The following GRAP2 variants were observed in gnomAD, a reference collection of about 807,000 sequenced individuals.
The protein encoded by GRAP2 is GRB2-related adapter protein 2.
GRAP2 carries 31 observed loss-of-function variants against 43.5 expected under a neutral mutation model. The observed-to-expected ratio is 0.71, with a 90% confidence interval of 0.54 to 0.96. GRAP2 has a LOEUF of 0.96. Among genes scored for constraint, GRAP2 ranks in the 40% least tolerant of loss-of-function variants. GRAP2 has a pLI of 0.00. For synonymous variants in GRAP2, 156 were observed against 164.8 expected, an observed-to-expected ratio of 0.95 and a Z score of 0.41; for missense variants, 371 against 424.4, an observed-to-expected ratio of 0.87 and a Z score of 1.11.
chr22:39,963,052 T>C (rs769458294), intron 4 of GRAP2, among the ~76,000 whole-genome samples: 1 of 152,224 alleles, frequency 6.6e-6, no homozygotes, highest in Non-Finnish European at 1.5e-5. Flanking sequence ...CTTCCCCTGA[T>C]ATTCAGGCGA....
At chr22:39,898,866 A>G (rs1309488494), upstream of GRAP2, among the ~76,000 whole-genome samples, 1 of 152,202 alleles carries the variant, frequency 6.6e-6, no homozygotes, top group Non-Finnish European at 1.5e-5. Flanking sequence ...AGATATAAAC[A>G]AATGACCCCT....
intron 1 of GRAP2, among the ~76,000 whole-genome samples, chr22:39,912,222 G>A (rs1429258303): frequency 2.0e-5 from 3 of 152,132 alleles, no homozygotes; most frequent in Admixed American, 2.0e-4. Flanking sequence ...GGAGTTTGAG[G>A]CCAGCCTGGG....
intron 4 of GRAP2, chr22:39,964,825 G>A (rs759444989): frequency 2.2e-4 from 74 of 334,640 alleles, no homozygotes; most frequent in Non-Finnish European, 3.3e-4. Flanking sequence ...TCAGAATCTT[G>A]CCAGAATCTG....
Position 39,971,062 on chromosome 22 carries a change from A to T in GRAP2, c.971A>T (p.Tyr324Phe), listed in dbSNP as rs755847534. Residue 324 changes from tyrosine (Y) to phenylalanine (F), a missense_variant, in exon 8 of 8, where the codon TAC (tyrosine) becomes TTC (phenylalanine). Coordinates refer to ENST00000344138, the MANE Select transcript of GRAP2 (RefSeq NM_004810.4). ...HNKLGLFPAN[Y>F]VAPMTR ...AAGCTGGGCCTCTTCCCTGCCAACT[A>T]CGTGGCACCCATGACCCGATAAACT... 1.9e-6 allele frequency: 3 copies of T among 1,613,356 alleles called. No homozygotes were observed. The highest frequency in any genetic ancestry group is 1.7e-5 in the Admixed American group (1 of 59,858).
intron 1 of GRAP2, among the ~76,000 whole-genome samples, chr22:39,908,167 G>A (rs933127022): frequency 2.6e-5 from 4 of 152,188 alleles, no homozygotes; most frequent in Non-Finnish European, 5.9e-5. Flanking sequence ...AATCCCACTG[G>A]GTCTGGGAAC....
At chr22:39,951,645 G>A (rs932846983) in intron 2 of GRAP2, among the ~76,000 whole-genome samples, 11 of 152,126 alleles carry the variant, frequency 7.2e-5, no homozygotes, top group Non-Finnish European at 1.6e-4. Context: ...TGTTCAGGCT[G>A]AACGCCTTGC....
chr22:39,896,297 A>G (rs1427404860), upstream of GRAP2, among the ~76,000 whole-genome samples: 2 of 152,190 alleles, frequency 1.3e-5, no homozygotes, highest in Non-Finnish European at 2.9e-5. Context: ...TCACACATAT[A>G]CTTTTACATG....
chr22:39,952,515 C>T (rs530503926), intron 2 of GRAP2, among the ~76,000 whole-genome samples: 5 of 152,098 alleles, frequency 3.3e-5, no homozygotes, highest in East Asian at 3.9e-4. Flanking sequence ...GGCTACGAGG[C>T]GCTGCTGCTG....
the GRAP2 span, among the ~76,000 whole-genome samples, chr22:39,895,862 T>G: frequency 3.9e-5 from 6 of 152,320 alleles, no homozygotes; most frequent in South Asian, 1.2e-3. Context: ...ATTTGCATAG[T>G]CAGGGAAGGC....
intron 1 of GRAP2, among the ~76,000 whole-genome samples, chr22:39,926,230 TTGAG>T (rs2066696304): frequency 6.6e-6 from 1 of 152,176 alleles, no homozygotes; most frequent in Non-Finnish European, 1.5e-5. Context: ...TAAATATTTA[TTGAG>T]TAATTACTTA....
At chr22:39,938,965 G>A (rs948284781) in intron 1 of GRAP2, among the ~76,000 whole-genome samples, 8 of 152,134 alleles carry the variant, frequency 5.3e-5, no homozygotes, top group African/African-American at 9.7e-5. Context: ...CACCCCTGCC[G>A]CTCATACTGG....
rs561787258 is a variant in GRAP2 at position 39,906,911 on chromosome 22, G to A, written c.-15+5581G>A. Among the ~76,000 whole-genome samples, 304 of 152,302 alleles carry A rather than the reference G, an allele frequency of 2.0e-3. 2 individuals are homozygous for A. The highest frequency in any genetic ancestry group is 3.6e-3 in the Non-Finnish European group (245 of 68,020). On this transcript the variant is annotated intron_variant, in intron 1 of 7. Transcript: ENST00000344138. ...ATAACTAGGAAATATTACAAGGGAA[G>A]TACAAAGTGGGGTGGAAAGCCTGGC...
At chr22:39,941,223 A>G (rs1429198783) in intron 1 of GRAP2, among the ~76,000 whole-genome samples, 1 of 152,178 alleles carries the variant, frequency 6.6e-6, no homozygotes, top group East Asian at 1.9e-4. Context: ...CATTGTAGAG[A>G]ATCTAAGAAA....
chr22:39,903,378 G>A (rs557744102), intron 1 of GRAP2, among the ~76,000 whole-genome samples: 10 of 152,116 alleles, frequency 6.6e-5, no homozygotes, highest in African/African-American at 1.9e-4. Flanking sequence ...GGCTGGGCGC[G>A]GTGGCTCATG....
At chr22:39,940,935 C>T (rs574409604) in intron 1 of GRAP2, among the ~76,000 whole-genome samples, 1 of 152,284 alleles carries the variant, frequency 6.6e-6, no homozygotes, top group Non-Finnish European at 1.5e-5. Context: ...AGAAAAGTTA[C>T]GAGATGGAAT....
At chr22:39,955,364 C>G (rs6001710) in intron 2 of GRAP2, among the ~76,000 whole-genome samples, 1 of 149,372 alleles carries the variant, frequency 6.7e-6, no homozygotes, top group South Asian at 2.1e-4. Context: ...CTCAAAAAAA[C>G]GAAAAACAAC....
chr22:39,952,019 GTT>G (rs397946166), intron 2 of GRAP2, among the ~76,000 whole-genome samples: 1,577 of 138,234 alleles, frequency 0.011, 20 homozygotes, highest in African/African-American at 0.039. Flanking sequence ...AAAGTGTGTG[GTT>G]TTTTTTTTTT....
intron 1 of GRAP2, among the ~76,000 whole-genome samples, chr22:39,913,134 A>G (rs1018275385): frequency 1.1e-4 from 16 of 150,230 alleles, no homozygotes; most frequent in African/African-American, 3.9e-4. Flanking sequence ...TGGAGGTTGC[A>G]GTGAGCAGAG....
At chr22:39,953,227 G>A (rs2067007864) in intron 2 of GRAP2, among the ~76,000 whole-genome samples, 1 of 152,154 alleles carries the variant, frequency 6.6e-6, no homozygotes, top group African/African-American at 2.4e-5. Context: ...ATATCCAGCT[G>A]CTCCCTGAGC....
Sources: gnomAD v4.1 joint callset for allele counts (sites outside exome capture counted in the v4.1 genomes callset) on GRCh38, gnomAD v4.1.1 for gene constraint, MANE v1.5 for transcripts, NCBI Gene and HGNC (gene_info 2026-07-23, HGNC 2026-07-21) for gene names.